Variants in LRRC8C observed in about 807,000 individuals in gnomAD.
LRRC8C encodes the protein volume-regulated anion channel subunit LRRC8C.
Under a neutral mutation model 55.3 loss-of-function variants are expected in LRRC8C, and 20 were observed. The observed-to-expected ratio is 0.36, with a 90% CI of 0.25 to 0.53. LRRC8C has a LOEUF of 0.53. Among genes scored for constraint, LRRC8C ranks in the 20% least tolerant of loss-of-function variants. LRRC8C has a pLI of 0.92. For missense variants in LRRC8C, 659 were observed against 951.4 expected (o/e 0.69, Z 4.04); for synonymous variants, 376 against 360.7 (o/e 1.04, Z -0.48).
intron 2 of LRRC8C, among the ~76,000 whole-genome samples, chr1:89,707,329 C>T (rs1658510529): frequency 6.6e-6 from 1 of 152,084 alleles, no homozygotes; most frequent in African/African-American, 2.4e-5. Context: ...ATCACTTGAA[C>T]CCGGGAGGCG....
chr1:89,631,275 A>G (rs1472994975), upstream of LRRC8C, among the ~76,000 whole-genome samples: 1 of 152,196 alleles, frequency 6.6e-6, no homozygotes, highest in Non-Finnish European at 1.5e-5. Flanking sequence ...GATAAAAAGA[A>G]CAGTAAATTT....
chr1:89,663,633 G>A (rs1247901988), intron 1 of LRRC8C, among the ~76,000 whole-genome samples: 2 of 152,080 alleles, frequency 1.3e-5, no homozygotes, highest in Non-Finnish European at 2.9e-5. Context: ...AATCCTTTGG[G>A]CATAGACCCA....
intron 1 of LRRC8C, among the ~76,000 whole-genome samples, chr1:89,634,637 A>G (rs914877740): frequency 1.3e-5 from 2 of 152,246 alleles, no homozygotes; most frequent in Non-Finnish European, 1.5e-5. Context: ...TTATACATTT[A>G]TAAATTCTGT....
chr1:89,685,182 A>G (rs1030724763), intron 1 of LRRC8C, among the ~76,000 whole-genome samples: 22 of 144,586 alleles, frequency 1.5e-4, no homozygotes, highest in Admixed American at 3.7e-4. Flanking sequence ...GCAGTGGCGC[A>G]ATCTCGGCTC....
At chr1:89,665,837 C>CA (rs1178797383) in intron 1 of LRRC8C, among the ~76,000 whole-genome samples, 1 of 152,166 alleles carries the variant, frequency 6.6e-6, no homozygotes, top group Admixed American at 6.5e-5. Context: ...TCCAGTCCTG[C>CA]AAACTCCATT....
chr1:89,661,620 C>A (rs1285322165), intron 1 of LRRC8C, among the ~76,000 whole-genome samples: 1 of 152,220 alleles, frequency 6.6e-6, no homozygotes, highest in Non-Finnish European at 1.5e-5. Flanking sequence ...GCCAGACACT[C>A]TTCTGGGCAT....
intron 2 of LRRC8C, among the ~76,000 whole-genome samples, chr1:89,698,995 AAGAG>A (rs920228357): frequency 5.9e-5 from 9 of 151,986 alleles, no homozygotes; most frequent in Admixed American, 2.0e-4. Context: ...GAAATTAAAA[AAGAG>A]AGAGAGAGAG....
intron 1 of LRRC8C, among the ~76,000 whole-genome samples, chr1:89,649,188 TC>T (rs1164236763): frequency 1.3e-5 from 2 of 152,186 alleles, no homozygotes; most frequent in African/African-American, 4.8e-5. Context: ...TAAAATAAAA[TC>T]CATGCTAAGG....
At chr1:89,620,868 A>G in the LRRC8C span, among the ~76,000 whole-genome samples, 1 of 152,164 alleles carries the variant, frequency 6.6e-6, no homozygotes, top group Non-Finnish European at 1.5e-5. Flanking sequence ...AATATCCACC[A>G]ATCTTCACAA....
intron 1 of LRRC8C, among the ~76,000 whole-genome samples, chr1:89,685,381 C>T (rs1657846623): frequency 2.6e-5 from 4 of 151,804 alleles, no homozygotes; most frequent in African/African-American, 7.3e-5. Context: ...TCCCAAAGTG[C>T]TGGGATTACA....
chr1:89,625,034 C>T, the LRRC8C span: 5 of 152,102 alleles, frequency 3.3e-5, no homozygotes, highest in African/African-American at 1.2e-4. Flanking sequence ...ATTAGAGGAA[C>T]GGCTCTCTCA....
intron 1 of LRRC8C, among the ~76,000 whole-genome samples, chr1:89,667,769 GT>G (rs1257527069): frequency 1.3e-5 from 2 of 152,122 alleles, no homozygotes; most frequent in Admixed American, 6.6e-5. Context: ...GAGTGAGTTA[GT>G]TGGCAAAACT....
the LRRC8C span, among the ~76,000 whole-genome samples, chr1:89,627,852 A>G: frequency 6.6e-6 from 1 of 152,228 alleles, no homozygotes; most frequent in South Asian, 2.1e-4. Context: ...GCTAGCACAC[A>G]TTGAGCATCC....
chr1:89,667,074 G>A (rs1435755054), intron 1 of LRRC8C, among the ~76,000 whole-genome samples: 1 of 152,114 alleles, frequency 6.6e-6, no homozygotes, highest in Non-Finnish European at 1.5e-5. Flanking sequence ...AATGATATAT[G>A]TGCAGAGACC....
chr1:89,642,948 G>GAAAATCAC (rs1454933833), intron 1 of LRRC8C, among the ~76,000 whole-genome samples: 2 of 151,408 alleles, frequency 1.3e-5, no homozygotes, highest in Non-Finnish European at 2.9e-5. Flanking sequence ...AACCTTGGAG[G>GAAAATCAC]TGGAGGTTGC....
At chr1:89,667,246 C>T (rs1657292790) in intron 1 of LRRC8C, among the ~76,000 whole-genome samples, 1 of 152,060 alleles carries the variant, frequency 6.6e-6, no homozygotes, top group African/African-American at 2.4e-5. Flanking sequence ...TATCTCTATC[C>T]CAGATCTTTC....
intron 1 of LRRC8C, among the ~76,000 whole-genome samples, chr1:89,672,845 C>A (rs1657459148): frequency 6.6e-6 from 1 of 151,674 alleles, no homozygotes; most frequent in Admixed American, 6.6e-5. Flanking sequence ...ATCTGTGTTA[C>A]CTAATGTTTT....
chr1:89,631,318 T>A (rs368852824), upstream of LRRC8C, among the ~76,000 whole-genome samples: 10 of 152,268 alleles, frequency 6.6e-5, no homozygotes, highest in East Asian at 1.9e-4. Context: ...AGGGATTTCA[T>A]CCTGGTTCAC....
chr1:89,685,243 C>G (rs1379157014), intron 1 of LRRC8C, among the ~76,000 whole-genome samples: 1 of 150,306 alleles, frequency 6.7e-6, no homozygotes, highest in Admixed American at 6.6e-5. Flanking sequence ...CTCAGCCTCC[C>G]GAGTAGCTGG....
Sources: allele counts gnomAD v4.1 joint callset (sites outside exome capture counted in the v4.1 genomes callset), GRCh38; gene constraint gnomAD v4.1.1; transcripts MANE v1.5; gene names NCBI Gene and HGNC (gene_info 2026-07-23, HGNC 2026-07-21).